Variants in DOCK7 observed in about 807,000 individuals in gnomAD.
The protein encoded by DOCK7 is dedicator of cytokinesis 7.
In DOCK7, 138 loss-of-function variants were observed where a neutral mutation model predicts 271.0. The observed-to-expected ratio is 0.51, with a 90% CI of 0.44 to 0.59. DOCK7 has a LOEUF of 0.59. Among genes scored for constraint, DOCK7 ranks in the 20% least tolerant of loss-of-function variants. The pLI is 0.00. For synonymous variants in DOCK7, 823 were observed against 876.1 expected (o/e 0.94, Z 1.07); for missense variants, 2,066 against 2,592.4 (o/e 0.80, Z 4.41).
intron 21 of DOCK7, among the ~76,000 whole-genome samples, chr1:62,553,759 C>T (rs1447504975): frequency 6.7e-6 from 1 of 150,008 alleles, no homozygotes; most frequent in Non-Finnish European, 1.5e-5. Flanking sequence ...TAAATAAAAT[C>T]ATTATCTCTT....
intron 18 of DOCK7, among the ~76,000 whole-genome samples, chr1:62,575,511 T>C (rs1646918889): frequency 6.6e-6 from 1 of 152,238 alleles, no homozygotes; most frequent in Admixed American, 6.5e-5. Context: ...ACATTTAACA[T>C]ACGAAATACA....
chr1:62,577,158 A>G (rs759097064), intron 18 of DOCK7, 104 bp downstream of exon 18: 23 of 597,468 alleles, frequency 3.8e-5, no homozygotes, highest in Non-Finnish European at 5.8e-5. Flanking sequence ...TTATCTATAA[A>G]CTTTAAGTAG....
At chr1:62,577,397 A>G in intron 17 of DOCK7, 34 bp from the exon 18 acceptor site, 1 of 1,488,300 alleles carries the variant, frequency 6.7e-7, no homozygotes, top group Non-Finnish European at 9.2e-7. Context: ...TTTATTTTAA[A>G]TATGCTTGCT....
At chr1:62,688,136 C>T in intron 1 of DOCK7, 91 bp downstream of exon 1, 2 of 1,210,312 alleles carry the variant, frequency 1.7e-6, no homozygotes, top group South Asian at 3.2e-5. Context: ...CCGGCCCCGC[C>T]ACACCCACCC....
intron 14 of DOCK7, among the ~76,000 whole-genome samples, chr1:62,606,352 T>C (rs1048246351): frequency 6.6e-6 from 1 of 152,014 alleles, no homozygotes; most frequent in Non-Finnish European, 1.5e-5. Context: ...ATGTTTCATT[T>C]TGTTCCTTTC....
intron 8 of DOCK7, among the ~76,000 whole-genome samples, chr1:62,635,911 C>T (rs917441870): frequency 3.9e-5 from 6 of 152,012 alleles, no homozygotes; most frequent in East Asian, 1.9e-4. Flanking sequence ...CACAAGCACC[C>T]GGCCAGCACT....
intron 21 of DOCK7, among the ~76,000 whole-genome samples, chr1:62,553,127 C>T (rs968766395): frequency 2.3e-4 from 33 of 142,074 alleles, no homozygotes; most frequent in Non-Finnish European, 1.2e-4. Flanking sequence ...CTCTGCCTCC[C>T]GGGTTCAAGC....
At chr1:62,584,609 T>C in intron 15 of DOCK7, 1 of 1,278,000 alleles carries the variant, frequency 7.8e-7, no homozygotes, top group Non-Finnish European at 9.9e-7. Context: ...GCAGACAGTG[T>C]TCCTTTTTTG....
chr1:62,608,320 C>CA (rs1176406847), intron 14 of DOCK7: 1 of 152,130 alleles, frequency 6.6e-6, no homozygotes, highest in Admixed American at 6.5e-5. Context: ...TTTTTTCCCA[C>CA]AACACAAACC....
chr1:62,459,601 T>G (rs1033336591), intron 48 of DOCK7, among the ~76,000 whole-genome samples: 1 of 152,192 alleles, frequency 6.6e-6, no homozygotes, highest in African/African-American at 2.4e-5. Flanking sequence ...GTAGATTTTT[T>G]GCTAAATTAT....
In DOCK7 at chr1:62,513,578, C is replaced by T; in HGVS notation, c.4148G>A (p.Ser1383Asn). The change falls in exon 33 of 50, where the codon AGC (serine) becomes AAC (asparagine). Residue 1383 changes from serine (S) to asparagine (N), a missense_variant. Physicochemically the swap from Ser to Asn is conservative, Grantham distance 46 (BLOSUM62 1). This residue lies in a region of DOCK7 where 652 missense variants were observed against 922.1 expected (regional missense o/e 0.71). Transcript: ENST00000635253. ...GTCTTTTGATTTCTTAAAGGTCAAG[C>T]TATTCATTCGTTCAAACACTTTTTT... ...KGKKVFERMN[S>N]LTFKKSKDMR... 1 of 1,613,686 alleles carries T rather than the reference C, an allele frequency of 6.2e-7. No individual in the cohort carries two copies. Among genetic ancestry groups the T allele is most frequent in the Non-Finnish European group, 8.5e-7 (1 of 1,179,914 alleles).
intron 1 of DOCK7, among the ~76,000 whole-genome samples, chr1:62,663,772 C>A (rs905393342): frequency 6.6e-6 from 1 of 152,178 alleles, no homozygotes; most frequent in Non-Finnish European, 1.5e-5. Flanking sequence ...TACGAGCCAA[C>A]TACACAACTG....
At chr1:62,646,376 G>A (rs1316859066) in intron 7 of DOCK7, among the ~76,000 whole-genome samples, 2 of 152,080 alleles carry the variant, frequency 1.3e-5, no homozygotes, top group African/African-American at 4.8e-5. Flanking sequence ...AACAGGTATT[G>A]TTATGGTATG....
Position 62,630,877 on chromosome 1 carries a change from G to C in DOCK7, c.1282+363C>G, listed in dbSNP as rs545579838. On this transcript the variant is annotated intron_variant, in intron 11 of 49. Coordinates refer to ENST00000635253, the MANE Select transcript of DOCK7 (RefSeq NM_001367561.1). ...ATATTACATTGCAGAGTCTACAAAT[G>C]AAACAAGCTTATATAAGAAAAAAGA... Among the ~76,000 whole-genome samples the C allele has an allele frequency of 2.6e-5, 4 of 152,020 alleles. No homozygotes were observed. The East Asian group carries it at 7.8e-4, about 29-fold the overall frequency.
chr1:62,481,093 A>T (rs1185701401), intron 43 of DOCK7, among the ~76,000 whole-genome samples: 1 of 151,706 alleles, frequency 6.6e-6, no homozygotes, highest in Non-Finnish European at 1.5e-5. Flanking sequence ...AGACTGAAGG[A>T]GATGGAAGAC....
chr1:62,673,608 T>C (rs987700687), intron 1 of DOCK7, among the ~76,000 whole-genome samples: 1 of 152,166 alleles, frequency 6.6e-6, no homozygotes. Context: ...TATAAATTTA[T>C]CTTAAATTCC....
At chr1:62,487,749 T>TTGATAAATTAAAATACAATTTGA (rs1646338128) in intron 42 of DOCK7, 1 of 210,526 alleles carries the variant, frequency 4.8e-6, no homozygotes, top group Non-Finnish European at 9.6e-6. Flanking sequence ...AAATACAAAC[T>TTGATAAATTAAAATACAATTTGA]GCAACTCTGC....
intron 39 of DOCK7, 187 bp from the exon 40 acceptor site, chr1:62,494,654 T>A: frequency 3.2e-6 from 1 of 313,708 alleles, no homozygotes; most frequent in Admixed American, 5.0e-5. Context: ...GAATGGATAA[T>A]ATCAGTTGGT....
intron 4 of DOCK7, among the ~76,000 whole-genome samples, chr1:62,652,072 G>C (rs1426015705): frequency 6.6e-6 from 1 of 152,084 alleles, no homozygotes; most frequent in Non-Finnish European, 1.5e-5. Context: ...CACAATTACT[G>C]ATCCTAAATA....
Sources: allele counts gnomAD v4.1 joint callset (sites outside exome capture counted in the v4.1 genomes callset), GRCh38; gene constraint gnomAD v4.1.1; regional missense constraint gnomAD v4.1.1; transcripts MANE v1.5; gene names NCBI Gene and HGNC (gene_info 2026-07-23, HGNC 2026-07-21).